BCAR1: variants seen among roughly 807,000 people sequenced by gnomAD.
BCAR1 encodes the protein BCAR1 scaffold protein, Cas family member, also known as breast cancer anti-estrogen resistance protein 1.
Under a neutral mutation model 67.6 loss-of-function variants are expected in BCAR1, and 30 were observed. The observed-to-expected ratio is 0.44, with a 90% confidence interval of 0.33 to 0.60. The LOEUF is 0.60. BCAR1 is among the 20% of genes least tolerant of loss of function. The probability of loss-of-function intolerance (pLI) is 0.02; values close to 1 mark genes in which losing one functional copy is unlikely to be tolerated. For missense variants in BCAR1, 1,313 were observed against 1,222.3 expected, an observed-to-expected ratio of 1.07 and a Z score of -1.11; for synonymous variants, 626 against 556.7, an observed-to-expected ratio of 1.12 and a Z score of -1.75.
upstream of BCAR1, among the ~76,000 whole-genome samples, chr16:75,252,956 T>C (rs149733362): frequency 0.03 from 4,584 of 152,240 alleles, 100 homozygotes; most frequent in Middle Eastern, 0.12. Context: ...CCCAAAAAAC[T>C]GGACGTCTGC....
intron 1 of BCAR1, among the ~76,000 whole-genome samples, chr16:75,244,548 G>T (rs1486074377): frequency 2.0e-5 from 3 of 152,268 alleles, no homozygotes; most frequent in Non-Finnish European, 4.4e-5. Context: ...TGGGTAGGCA[G>T]TAGTTGCCCC....
chr16:75,236,976 G>C lies in BCAR1; in HGVS notation c.818C>G (p.Ala273Gly). ...GTCTCGGCCATTGGGACCCTTGACA[G>C]CCATGGGGGGTGTGTCATACACCTG... ...GQEVYDTPPM[A>G]VKGPNGRDPL... The change falls in exon 4 of 7, where the codon GCT becomes GGT. Residue 273 changes from alanine (A) to glycine (G), a missense_variant. Coordinates refer to ENST00000162330, the MANE Select transcript of BCAR1 (RefSeq NM_014567.5). 1 of 1,607,226 alleles carries C rather than the reference G, an allele frequency of 6.2e-7. No homozygotes were observed. The highest frequency in any genetic ancestry group is 8.5e-7 in the Non-Finnish European group (1 of 1,176,642).
Position 75,237,239 on chromosome 16 carries a change from C to T in BCAR1, c.739G>A (p.Asp247Asn), listed in dbSNP as rs2077174655. 6.5e-7 allele frequency: 1 copy of T among 1,544,318 alleles called. No homozygotes were observed. The highest frequency in any genetic ancestry group is 1.4e-5 in the African/African-American group (1 of 72,166). ...PRHLLAPGPQ[D>N]IYDVPPVRGL... ...CGAACCGGGGGCACATCATAGATGT[C>T]CTGTGGCCCCGGGGCCAGCAGGTGT... Residue 247 changes from aspartate to asparagine, a missense_variant, in exon 3 of 7, where the codon GAC (aspartate) becomes AAC (asparagine). This residue lies in a region of BCAR1 where 1,272 missense variants were observed against 1,137.5 expected (regional missense o/e 1.12). Transcript: ENST00000162330.
At chr16:75,267,736 A>G (rs2151489213) in intron 1 of BCAR1, among the ~76,000 whole-genome samples, 1 of 152,136 alleles carries the variant, frequency 6.6e-6, no homozygotes, top group East Asian at 1.9e-4. Context: ...GTGGAGAAAG[A>G]TCCCTTCTAC....
At chr16:75,236,694 C>CG in intron 4 of BCAR1, 188 bp downstream of exon 4, 1 of 1,219,098 alleles carries the variant, frequency 8.2e-7, no homozygotes, top group Non-Finnish European at 1.1e-6. Context: ...GTTCTGCCGA[C>CG]AAAGAACCTG....
intron 5 of BCAR1, among the ~76,000 whole-genome samples, chr16:75,234,346 GT>G (rs2077022363): frequency 6.6e-6 from 1 of 152,108 alleles, no homozygotes; most frequent in South Asian, 2.1e-4. Flanking sequence ...AGAGGGTGGG[GT>G]ACCCGCAGAA....
At chr16:75,266,740 G>A (rs879041603) in intron 1 of BCAR1, 4 of 1,451,292 alleles carry the variant, frequency 2.8e-6, no homozygotes, top group East Asian at 2.6e-5. Context: ...CCAGGGGTCC[G>A]ACCCCTCTGT....
At chr16:75,241,518 G>A (rs1322114243) in intron 2 of BCAR1, among the ~76,000 whole-genome samples, 2 of 152,160 alleles carry the variant, frequency 1.3e-5, no homozygotes, top group East Asian at 3.9e-4. Context: ...CCCCACCCAG[G>A]CACCCCACGC....
intron 2 of BCAR1, among the ~76,000 whole-genome samples, chr16:75,241,243 G>A (rs1169245972): frequency 6.6e-6 from 1 of 152,172 alleles, no homozygotes; most frequent in East Asian, 1.9e-4. Flanking sequence ...GGGCGTATAC[G>A]TGTGTCCATT....
chr16:75,235,680 T>C lies in BCAR1; in HGVS notation c.1219A>G (p.Ser407Gly). The C allele has an allele frequency of 6.2e-7, 1 of 1,611,708 alleles. No homozygotes were observed. ...GGGGGAGGCACCGCATACACACCAC[T>C]GTCGACCACGCCACCATCAGCCACC... ...PEVADGGVVD[S>G]GVYAVPPPAE... Residue 407 changes from serine (S) to glycine (G), a missense_variant, in exon 5 of 7, where the codon AGT becomes GGT. By Grantham distance (56) the Ser-to-Gly change is moderately conservative. Around this residue, in one of 2 missense-constraint regions of BCAR1, gnomAD observed 1,272 missense variants for 1,137.5 expected, o/e 1.12. Coordinates refer to ENST00000162330, the MANE Select transcript of BCAR1 (RefSeq NM_014567.5).
intron 1 of BCAR1, among the ~76,000 whole-genome samples, chr16:75,260,367 G>A (rs530407788): frequency 2.6e-5 from 4 of 152,002 alleles, no homozygotes; most frequent in Non-Finnish European, 5.9e-5. Context: ...TGCCAGGCGC[G>A]GTGGCTCATG....
chr16:75,264,529 G>C, intron 1 of BCAR1: 6 of 1,407,094 alleles, frequency 4.3e-6, no homozygotes, highest in Non-Finnish European at 5.6e-6. Flanking sequence ...CTGAAGACGA[G>C]ACGATTATGC....
chr16:75,233,876 C>T lies in BCAR1; in HGVS notation c.2070G>A (p.Arg690=), dbSNP rs1204179550. Residue 690 remains arginine, a synonymous_variant, in exon 6 of 7, where the codon CGG becomes CGA. Transcript: ENST00000162330. Reference sequence around the variant, plus strand: ...GCAACTCCAGCTGGCTCTTGCCCTGCCGCGTGATGCTGCCCTTTTCCAGCA... The same window carrying T: ...GCAACTCCAGCTGGCTCTTGCCCTGTCGCGTGATGCTGCCCTTTTCCAGCA... ...KELLEKGSIT[R]QGKSQLELQQ... The T allele has an allele frequency of 6.2e-7, 1 of 1,609,978 alleles. No individual in the cohort carries two copies. Among genetic ancestry groups the T allele is most frequent in the Non-Finnish European group, 8.5e-7 (1 of 1,178,364 alleles).
intron 6 of BCAR1, among the ~76,000 whole-genome samples, chr16:75,231,847 A>G (rs1267225909): frequency 6.6e-6 from 1 of 152,228 alleles, no homozygotes; most frequent in African/African-American, 2.4e-5. Context: ...CTCTCTCTAG[A>G]CAGAGATATA....
At chr16:75,256,867 G>T (rs1345421285) in intron 1 of BCAR1, among the ~76,000 whole-genome samples, 2 of 152,192 alleles carry the variant, frequency 1.3e-5, no homozygotes, top group African/African-American at 4.8e-5. Flanking sequence ...CACCAGCACA[G>T]GGCCCTCCCA....
At chr16:75,243,544 CAAT>C (rs916830168) in intron 1 of BCAR1, 28 of 486,064 alleles carry the variant, frequency 5.8e-5, no homozygotes, top group African/African-American at 4.7e-4. Context: ...AAATGAACAA[CAAT>C]AAGACAGAGC....
At chr16:75,245,421 C>T (rs1458371998) in intron 1 of BCAR1, among the ~76,000 whole-genome samples, 3 of 152,156 alleles carry the variant, frequency 2.0e-5, no homozygotes, top group Non-Finnish European at 2.9e-5. Context: ...GGAGGGTGGC[C>T]CAGGAAAGGC....
Position 75,245,933 on chromosome 16 carries a change from T to A in BCAR1, c.13-2843A>T, listed in dbSNP as rs1476819238. ...CTCTGAGCATCTAGATCCTCTCTGC[T>A]GGATGACAGCCCTCATTTCATAGGA... On this transcript the variant is annotated intron_variant, in intron 1 of 6. Transcript: ENST00000162330. 15 of 144,908 alleles carry A rather than the reference T, an allele frequency of 1.0e-4. No homozygotes were observed. The Admixed American group carries it at 1.1e-3, about 10-fold the overall frequency. The allele number at this position is 144,908 out of a possible 1,614,324, so 9.0% of individuals were successfully genotyped here. A position where few individuals can be genotyped will look rare whatever the true frequency, so the allele number is the denominator to read the frequency against.
chr16:75,260,368 G>A (rs748936364), intron 1 of BCAR1, among the ~76,000 whole-genome samples: 1 of 152,114 alleles, frequency 6.6e-6, no homozygotes, highest in Non-Finnish European at 1.5e-5. Context: ...GCCAGGCGCG[G>A]TGGCTCATGC....
Sources: gnomAD v4.1 joint callset for allele counts (sites outside exome capture counted in the v4.1 genomes callset) on GRCh38, gnomAD v4.1.1 for gene constraint, gnomAD v4.1.1 regional missense constraint, MANE v1.5 for transcripts, NCBI Gene and HGNC (gene_info 2026-07-23, HGNC 2026-07-21) for gene names.